OR6P1: variants seen among roughly 807,000 people sequenced by gnomAD.
OR6P1 encodes the protein olfactory receptor 6P1.
Under a neutral mutation model 6.6 loss-of-function variants are expected in OR6P1, and 5 were observed. The ratio of observed to expected loss-of-function variants is 0.76; its 90% CI spans 0.40 to 1.60. The LOEUF (loss-of-function observed/expected upper bound fraction) is 1.60. Among genes scored for constraint, OR6P1 ranks in the 40% most tolerant of loss-of-function variants. The probability of loss-of-function intolerance (pLI) is 0.02; values close to 1 mark genes in which losing one functional copy is unlikely to be tolerated. For synonymous variants in OR6P1, 177 were observed against 149.6 expected, an observed-to-expected ratio of 1.18 and a Z score of -1.33; for missense variants, 451 against 383.0, an observed-to-expected ratio of 1.18 and a Z score of -1.48.
rs1647991096 is a variant in OR6P1, at chr1:158,562,882, A to T, written c.723T>A (p.Cys241Ter). 1 of 1,552,032 alleles carries T rather than the reference A, an allele frequency of 6.4e-7. No individual in the cohort carries two copies. Among genetic ancestry groups the T allele is most frequent in the Non-Finnish European group, 8.7e-7 (1 of 1,147,072 alleles). The part of the protein sequence containing the change: ...SRGRHKAFST[C>*]AAHLAVVVIY... ...TAACAACCACTGCCAGATGAGCGGC[A>T]CAAGTGGAAAAGGCTTTGTGGCGTC... is the stretch of plus-strand genomic sequence containing the variant. The change falls in exon 3 of 3, where the codon TGT becomes TGA. Residue 241 changes from cysteine to a stop codon, truncating the protein, a stop_gained. Transcript: ENST00000641540. LOFTEE classifies it high-confidence loss of function.
In OR6P1 at chr1:158,562,795, G is replaced by C. The variant is rs1048772390; in HGVS notation, c.810C>G (p.His270Gln). Residue 270 changes from histidine to glutamine, a missense_variant, in exon 3 of 3, where the codon CAC (histidine) becomes CAG (glutamine). His to Gln is a conservative substitution (Grantham distance 24, BLOSUM62 0). Transcript: ENST00000641540. ...ARPRAMYTFN[H>Q]NKIISVLYTI... ...TGTAGAGCACAGAGATAATCTTGTT[G>C]TGGTTGAAGGTGTACATGGCCCGGG... 1 of 1,552,088 alleles carries C rather than the reference G, an allele frequency of 6.4e-7. No homozygotes were observed. The highest frequency in any genetic ancestry group is 1.4e-5 in the African/African-American group (1 of 72,940).
chr1:158,565,613 C>T (rs185573158), intron 2 of OR6P1, among the ~76,000 whole-genome samples: 5 of 152,084 alleles, frequency 3.3e-5, no homozygotes, highest in Admixed American at 3.3e-4. Context: ...TATAAAACAT[C>T]TAAAAATACA....
At chr1:158,565,856 A>C (rs750715459) in intron 2 of OR6P1, among the ~76,000 whole-genome samples, 3 of 152,234 alleles carry the variant, frequency 2.0e-5, no homozygotes, top group Non-Finnish European at 4.4e-5. Context: ...TGTTATAGAA[A>C]TAACACTAGA....
intron 2 of OR6P1, among the ~76,000 whole-genome samples, chr1:158,565,853 G>A (rs1440523344): frequency 6.6e-6 from 1 of 152,110 alleles, no homozygotes; most frequent in East Asian, 1.9e-4. Context: ...TTTTGTTATA[G>A]AAATAACACT....
chr1:158,564,636 G>A (rs1648052048), intron 2 of OR6P1, among the ~76,000 whole-genome samples: 1 of 152,160 alleles, frequency 6.6e-6, no homozygotes, highest in African/African-American at 2.4e-5. Context: ...AATTTCTCAA[G>A]AGCCTCCAGA....
chr1:158,568,221 A>G (rs1648147756), intron 1 of OR6P1, among the ~76,000 whole-genome samples: 2 of 152,152 alleles, frequency 1.3e-5, no homozygotes, highest in Admixed American at 6.6e-5. Context: ...CTTCTGAATC[A>G]TAGTACTCAG....
intron 1 of OR6P1, among the ~76,000 whole-genome samples, chr1:158,567,059 G>A (rs1430325947): frequency 6.6e-6 from 1 of 151,866 alleles, no homozygotes; most frequent in African/African-American, 2.4e-5. Flanking sequence ...ACCATCACTG[G>A]CCATCAGAGA....
chr1:158,561,220 A>G lies in OR6P1; in HGVS notation c.*1431T>C, dbSNP rs1647943038. On this transcript the variant is annotated 3_prime_UTR_variant, in exon 3 of 3. Transcript: ENST00000641540. ...GAAATTTGCTCGTTCTAGGGTCTGA[A>G]TTCTGAACTCCATGTCTCTCATAAT... The G allele has an allele frequency of 6.6e-6, 1 of 152,196 alleles. No homozygotes were observed. 9.4% of individuals were successfully genotyped at this position (152,196 alleles called of 1,614,324 possible).
Position 158,562,849 on chromosome 1 carries a change from G to A in OR6P1, c.756C>T (p.Tyr252=). 1.9e-6 allele frequency: 3 copies of A among 1,551,956 alleles called. No individual in the cohort carries two copies. Among genetic ancestry groups the A allele is most frequent in the Non-Finnish European group, 2.6e-6 (3 of 1,147,000 alleles). The change falls in exon 3 of 3, where the codon TAC becomes TAT. Residue 252 remains tyrosine, a synonymous_variant. Coordinates refer to ENST00000641540, the MANE Select transcript of OR6P1 (RefSeq NM_001160325.2). ...AAHLAVVVIY[Y]SSTLFTYARP... The stretch of plus-strand genomic sequence containing the variant: ...GTGCATAGGTGAAGAGAGTGGAGGA[G>A]TAGTAGATAACAACCACTGCCAGAT...
Position 158,563,158 on chromosome 1 carries a change from C to G in OR6P1, c.447G>C (p.Trp149Cys). 1.3e-6 allele frequency: 2 copies of G among 1,551,524 alleles called. No homozygotes were observed. The highest frequency in any genetic ancestry group is 2.4e-5 in the South Asian group (2 of 84,040). Reference protein sequence around the residue: ...SLATRLAAASWGSGFFSSMMK... With the variant: ...SLATRLAAASCGSGFFSSMMK... The stretch of plus-strand genomic sequence containing the variant: ...TCATGGAGCTGAAGAAGCCACTGCC[C>G]CAAGAGGCAGCAGCAAGGCGAGTGG... The change falls in exon 3 of 3, where the codon TGG becomes TGC. Residue 149 changes from tryptophan (W) to cysteine (C), a missense_variant. Transcript: ENST00000641540.
Position 158,563,056 on chromosome 1 carries a change from T to A in OR6P1, c.549A>T (p.Pro183=). The stretch of plus-strand genomic sequence containing the variant: ...TGTCAGAGCAGGTGAGGTTGAGTAG[T>A]GGGGAAATATCACAGAAAAAGTGGT... ...IINHFFCDIS[P]LLNLTCSDKE... is the part of the protein sequence containing the mutation. The change falls in exon 3 of 3, where the codon CCA becomes CCT. Residue 183 remains proline (P), a synonymous_variant. Transcript: ENST00000641540. The A allele has an allele frequency of 1.3e-6, 2 of 1,551,574 alleles. No individual in the cohort carries two copies.
At chr1:158,569,898 A>G (rs937852981) in intron 1 of OR6P1, among the ~76,000 whole-genome samples, 1 of 152,130 alleles carries the variant, frequency 6.6e-6, no homozygotes, top group Non-Finnish European at 1.5e-5. Flanking sequence ...AGCCAAGTGG[A>G]CTCATTTACA....
At chr1:158,570,276 A>T (rs1648205880) in intron 1 of OR6P1, among the ~76,000 whole-genome samples, 166 bp downstream of exon 1, 1 of 152,264 alleles carries the variant, frequency 6.6e-6, no homozygotes, top group Non-Finnish European at 1.5e-5. Context: ...TCATAAACAC[A>T]TGAACAAAAG....
At chr1:158,569,352 A>G (rs1241669379) in intron 1 of OR6P1, among the ~76,000 whole-genome samples, 1 of 152,152 alleles carries the variant, frequency 6.6e-6, no homozygotes, top group Non-Finnish European at 1.5e-5. Flanking sequence ...TTAGTAGTAG[A>G]TTGCCTGGTG....
In OR6P1 at chr1:158,562,427, A is replaced by G. The variant is rs1647975960; in HGVS notation, c.*224T>C. The stretch of plus-strand genomic sequence containing the variant: ...TTTTTTTGGGGGAATCTGTATTTTA[A>G]CAAATTCCCAGGTGATTCTTCTGTA... On this transcript the variant is annotated 3_prime_UTR_variant, in exon 3 of 3. Transcript: ENST00000641540. 1.8e-5 allele frequency: 9 copies of G among 511,272 alleles called. No homozygotes were observed. Among genetic ancestry groups the G allele is most frequent in the Non-Finnish European group, 3.1e-5 (9 of 286,778 alleles). The allele number at this position is 511,272 out of a possible 1,614,324, so 31.7% of individuals were successfully genotyped here. A position where few individuals can be genotyped will look rare whatever the true frequency, so the allele number is the denominator to read the frequency against.
chr1:158,563,204 C>G lies in OR6P1; in HGVS notation c.401G>C (p.Ser134Thr). The G allele has an allele frequency of 6.4e-7, 1 of 1,551,476 alleles. No homozygotes were observed. The highest frequency in any genetic ancestry group is 8.7e-7 in the Non-Finnish European group (1 of 1,146,934). The change falls in exon 3 of 3, where the codon AGT (serine) becomes ACT (threonine). Residue 134 changes from serine to threonine, a missense_variant. Transcript: ENST00000641540. ...LAICGPLLYP[S>T]LMPSSLATRL... is the part of the protein sequence containing the mutation. ...AGTGGCCAGACTGGAAGGCATGAGA[C>G]TAGGGTAAAGGAGGGGTCCACAGAT...
chr1:158,569,326 G>A (rs1209139604), intron 1 of OR6P1, among the ~76,000 whole-genome samples: 1 of 152,192 alleles, frequency 6.6e-6, no homozygotes, highest in Non-Finnish European at 1.5e-5. Flanking sequence ...CCTTTTAGGT[G>A]TTACATAAGT....
At chr1:158,567,304 A>G (rs1007990754) in intron 1 of OR6P1, among the ~76,000 whole-genome samples, 1 of 152,046 alleles carries the variant, frequency 6.6e-6, no homozygotes, top group Non-Finnish European at 1.5e-5. Flanking sequence ...GTATATACCC[A>G]AAGGACTATA....
chr1:158,568,417 G>C (rs527389654), intron 1 of OR6P1, among the ~76,000 whole-genome samples: 1 of 152,046 alleles, frequency 6.6e-6, no homozygotes, highest in Non-Finnish European at 1.5e-5. Flanking sequence ...TCTACCATTA[G>C]CCTGCAATGT....
Sources: gnomAD v4.1 joint callset for allele counts (sites outside exome capture counted in the v4.1 genomes callset) on GRCh38, gnomAD v4.1.1 for gene constraint, MANE v1.5 for transcripts, NCBI Gene and HGNC (gene_info 2026-07-23, HGNC 2026-07-21) for gene names.